LGSN: variants seen among roughly 807,000 people sequenced by gnomAD.
The protein encoded by LGSN is lengsin.
LGSN carries 21 observed loss-of-function variants against 19.5 expected under a neutral mutation model. The observed-to-expected ratio is 1.07, with a 90% CI of 0.76 to 1.55. The LOEUF (loss-of-function observed/expected upper bound fraction) is 1.55. Ranked by LOEUF, LGSN falls within the 40% of genes most tolerant of loss-of-function variation. The probability of loss-of-function intolerance (pLI) is 0.00; values close to 1 mark genes in which losing one functional copy is unlikely to be tolerated. For synonymous variants in LGSN, 257 were observed against 215.6 expected (o/e 1.19, Z -1.68); for missense variants, 673 against 608.5 (o/e 1.11, Z -1.12).
At chr6:63,327,553 G>C in the LGSN span, among the ~76,000 whole-genome samples, 1 of 152,162 alleles carries the variant, frequency 6.6e-6, no homozygotes, top group African/African-American at 2.4e-5. Context: ...GTATTGGAGA[G>C]TCGCTGCTGC....
the LGSN span, among the ~76,000 whole-genome samples, chr6:63,378,832 A>T: frequency 6.6e-6 from 1 of 152,226 alleles, no homozygotes; most frequent in Non-Finnish European, 1.5e-5. Flanking sequence ...TGACACTAGG[A>T]ATCAATTTCA....
chr6:63,288,273 T>TAAATAAA (rs1441604244), intron 2 of LGSN, among the ~76,000 whole-genome samples: 2 of 134,262 alleles, frequency 1.5e-5, no homozygotes, highest in Non-Finnish European at 3.4e-5. Context: ...AAATAAATAA[T>TAAATAAA]AATAATATTC....
chr6:63,468,674 C>A, the LGSN span, among the ~76,000 whole-genome samples: 7 of 151,970 alleles, frequency 4.6e-5, no homozygotes, highest in Non-Finnish European at 1.0e-4. Context: ...GTGATCTGCC[C>A]GCCTCAGCCT....
the LGSN span, among the ~76,000 whole-genome samples, chr6:63,348,468 A>T: frequency 0.045 from 6,899 of 152,148 alleles, 492 homozygotes; most frequent in African/African-American, 0.16. Flanking sequence ...GAAAAAAAAA[A>T]ATATATGGAA....
the LGSN span, chr6:63,441,552 G>A: frequency 4.7e-6 from 2 of 427,250 alleles, no homozygotes. Context: ...AGAGGCAGCA[G>A]GGTTGGAAGT....
At chr6:63,481,254 A>C in the LGSN span, among the ~76,000 whole-genome samples, 2 of 152,168 alleles carry the variant, frequency 1.3e-5, no homozygotes, top group African/African-American at 4.8e-5. Context: ...TATTAAGTAC[A>C]ATATATGCTA....
the LGSN span, among the ~76,000 whole-genome samples, chr6:63,325,995 T>C: frequency 1.3e-5 from 2 of 152,108 alleles, no homozygotes; most frequent in African/African-American, 4.8e-5. Context: ...AGTGGTCTGT[T>C]TTGACAGGGC....
the LGSN span, among the ~76,000 whole-genome samples, chr6:63,444,232 T>A: frequency 2.0e-5 from 3 of 151,700 alleles, no homozygotes; most frequent in African/African-American, 4.8e-5. Context: ...AAAAAAAAAA[T>A]AGATATGGAA....
At chr6:63,487,611 T>C in the LGSN span, among the ~76,000 whole-genome samples, 1 of 152,224 alleles carries the variant, frequency 6.6e-6, no homozygotes, top group South Asian at 2.1e-4. Context: ...TATCCAATCC[T>C]ATGTATAATA....
the LGSN span, among the ~76,000 whole-genome samples, chr6:63,394,769 A>G: frequency 2.0e-5 from 3 of 152,182 alleles, no homozygotes; most frequent in African/African-American, 7.2e-5. Context: ...CTGGGGCCCA[A>G]TGCAGCCACT....
At chr6:63,535,918 G>A in the LGSN span, among the ~76,000 whole-genome samples, 2 of 152,252 alleles carry the variant, frequency 1.3e-5, no homozygotes, top group South Asian at 2.1e-4. Context: ...GTTTACAGGC[G>A]TGCGCCACCA....
At chr6:63,521,087 G>T in the LGSN span, among the ~76,000 whole-genome samples, 1 of 152,042 alleles carries the variant, frequency 6.6e-6, no homozygotes, top group Non-Finnish European at 1.5e-5. Flanking sequence ...CTGTCACGGG[G>T]TGGGGGAAAA....
intron 1 of LGSN, among the ~76,000 whole-genome samples, chr6:63,301,018 C>A (rs562018649): frequency 6.6e-6 from 1 of 152,114 alleles, no homozygotes; most frequent in Non-Finnish European, 1.5e-5. Context: ...TAGCTGGCCA[C>A]GATGTCTCAT....
chr6:63,569,678 G>C, the LGSN span, among the ~76,000 whole-genome samples: 1 of 152,238 alleles, frequency 6.6e-6, no homozygotes, highest in South Asian at 2.1e-4. Flanking sequence ...CACATGTTTT[G>C]CTGAGAGAAG....
At chr6:63,414,278 A>G in the LGSN span, among the ~76,000 whole-genome samples, 1 of 152,176 alleles carries the variant, frequency 6.6e-6, no homozygotes, top group Non-Finnish European at 1.5e-5. Context: ...AAGAAATCCT[A>G]TGAGATCCTT....
chr6:63,534,543 A>G, the LGSN span, among the ~76,000 whole-genome samples: 1 of 152,068 alleles, frequency 6.6e-6, no homozygotes. Flanking sequence ...TGCTGGGTGC[A>G]GTGGCTCAAG....
the LGSN span, among the ~76,000 whole-genome samples, chr6:63,466,208 C>T: frequency 2.0e-5 from 3 of 152,300 alleles, no homozygotes; most frequent in South Asian, 4.1e-4. Flanking sequence ...CCAAGACTGC[C>T]TCTTAATCAT....
At chr6:63,569,403 C>G in the LGSN span, among the ~76,000 whole-genome samples, 1 of 152,124 alleles carries the variant, frequency 6.6e-6, no homozygotes, top group South Asian at 2.1e-4. Context: ...ATTAGAGGTG[C>G]CTGCCACCAT....
the LGSN span, among the ~76,000 whole-genome samples, chr6:63,523,637 T>C: frequency 1.3e-5 from 2 of 152,246 alleles, 1 homozygote; most frequent in South Asian, 4.1e-4. Context: ...CTTATTTGCC[T>C]AGAGCAAGCT....
Sources: allele counts gnomAD v4.1 joint callset (sites outside exome capture counted in the v4.1 genomes callset), GRCh38; gene constraint gnomAD v4.1.1; transcripts MANE v1.5; gene names NCBI Gene and HGNC (gene_info 2026-07-23, HGNC 2026-07-21).